The following PCLO variants were observed in gnomAD, a reference collection of about 807,000 sequenced individuals.
PCLO encodes piccolo presynaptic cytomatrix protein.
PCLO carries 82 observed loss-of-function variants against 427.5 expected under a neutral mutation model. That is an observed-to-expected ratio of 0.19 (90% CI 0.16 to 0.23). The LOEUF (loss-of-function observed/expected upper bound fraction) is 0.23, where lower values mean the gene tolerates loss of function less well. Ranked by LOEUF, PCLO falls within the 10% of genes least tolerant of loss-of-function variation. The pLI, the probability that PCLO is intolerant of heterozygous loss-of-function variation, is 1.00. For synonymous variants in PCLO, 2,357 were observed against 2,155.4 expected (o/e 1.09, Z -2.59); for missense variants, 6,239 against 6,115.9 (o/e 1.02, Z -0.67).
At chr7:82,835,927 AAAAG>A (rs1280567511) in intron 15 of PCLO, among the ~76,000 whole-genome samples, 15 of 152,156 alleles carry the variant, frequency 9.9e-5, no homozygotes, top group African/African-American at 3.4e-4. Context: ...GAGTGTGATT[AAAAG>A]AAAGACCCAG....
Position 82,758,317 on chromosome 7 carries a change from AC to A in PCLO, c.*257del. 3.1e-6 allele frequency: 1 copy of A among 322,514 alleles called. No individual in the cohort carries two copies. Among genetic ancestry groups the A allele is most frequent in the South Asian group, 8.8e-5 (1 of 11,396 alleles). 20.0% of individuals were successfully genotyped at this position (322,514 alleles called of 1,614,324 possible). On this transcript the variant is annotated 3_prime_UTR_variant, in exon 25 of 25. Transcript: ENST00000333891. Reference sequence around the variant, plus strand: ...GTCTTAAGTAATCAAAATTTGTTTCACAGTTTCTCTTCACAGCCATGGGAAA... The same window carrying A: ...GTCTTAAGTAATCAAAATTTGTTTCAAGTTTCTCTTCACAGCCATGGGAAA...
intron 3 of PCLO, among the ~76,000 whole-genome samples, chr7:83,054,832 A>C (rs1176017941): frequency 6.6e-6 from 1 of 152,078 alleles, no homozygotes; most frequent in Non-Finnish European, 1.5e-5. Flanking sequence ...TGAGTTGAGC[A>C]ACTTCACAGG....
At chr7:82,860,968 C>A (rs543025813) in intron 10 of PCLO, among the ~76,000 whole-genome samples, 7 of 151,266 alleles carry the variant, frequency 4.6e-5, no homozygotes, top group African/African-American at 1.7e-4. Flanking sequence ...ATGATATATA[C>A]GCAAAAAATA....
rs1009953591 is a variant in PCLO at position 83,126,606 on chromosome 7, T to A, written c.3300+7644A>T. On this transcript the variant is annotated intron_variant, in intron 3 of 24. Coordinates refer to ENST00000333891, the MANE Select transcript of PCLO (RefSeq NM_033026.6). ...AAAAAAATTCATATAAGAATGAATC[T>A]CATAAAGAAATTTAAAAATGAGTGA... Among the ~76,000 whole-genome samples the A allele has an allele frequency of 2.6e-5, 4 of 152,092 alleles. No homozygotes were observed. The South Asian group carries it at 8.3e-4, about 31-fold the overall frequency.
intron 3 of PCLO, among the ~76,000 whole-genome samples, chr7:83,107,051 A>T (rs900079793): frequency 1.3e-5 from 2 of 152,062 alleles, no homozygotes; most frequent in Non-Finnish European, 2.9e-5. Context: ...TCTCTTTCAG[A>T]TTCTTTTTTT....
chr7:82,846,421 A>G lies in PCLO; in HGVS notation c.13831+146T>C, dbSNP rs75391158. On this transcript the variant is annotated intron_variant, in intron 12 of 24. Coordinates refer to ENST00000333891, the MANE Select transcript of PCLO (RefSeq NM_033026.6). ...CCTAGATTTTGTTTATAATTATATA[A>G]ATACATAAAAAAATCTATCCATAAC... 4,061 of 607,066 alleles carry G rather than the reference A, an allele frequency of 6.7e-3. 53 individuals are homozygous for G. Among genetic ancestry groups the G allele is most frequent in the Non-Finnish European group, 5.9e-3 (2,077 of 350,688 alleles). The allele number at this position is 607,066 out of a possible 1,614,324, so 37.6% of individuals were successfully genotyped here.
At chr7:83,018,069 T>C (rs903606880) in intron 3 of PCLO, 1 of 152,162 alleles carries the variant, frequency 6.6e-6, no homozygotes, top group South Asian at 2.1e-4. Flanking sequence ...TTAAATTTAT[T>C]ATCCATTTGA....
intron 16 of PCLO, among the ~76,000 whole-genome samples, chr7:82,831,276 G>A (rs556680495): frequency 9.5e-4 from 145 of 152,094 alleles, no homozygotes; most frequent in Non-Finnish European, 1.9e-3. Context: ...TAGGTAATTT[G>A]ATTTCTTGCT....
Position 82,956,830 on chromosome 7 carries a change from C to T in PCLO, c.4123G>A (p.Gly1375Ser). ...YSSDGISSSL[G>S]EIPSLIPTDE... is the part of the protein sequence containing the mutation. Reference sequence around the variant, plus strand: ...GTTGGAATAAGACTTGGAATTTCACCAAGTGAGCTTGATATTCCATCGGAA... The same window carrying T: ...GTTGGAATAAGACTTGGAATTTCACTAAGTGAGCTTGATATTCCATCGGAA... The change falls in exon 5 of 25, where the codon GGT (glycine) becomes AGT (serine). Residue 1375 changes from glycine (G) to serine (S), a missense_variant. This residue lies in a region of PCLO where 4,677 missense variants were observed against 4,468.4 expected (regional missense o/e 1.05). Transcript: ENST00000333891. The T allele has an allele frequency of 6.2e-7, 1 of 1,613,732 alleles. No individual in the cohort carries two copies. The highest frequency in any genetic ancestry group is 8.5e-7 in the Non-Finnish European group (1 of 1,179,712).
At chr7:82,998,300 C>A (rs772186958) in intron 3 of PCLO, among the ~76,000 whole-genome samples, 37 of 151,620 alleles carry the variant, frequency 2.4e-4, no homozygotes, top group Non-Finnish European at 4.4e-4. Context: ...GGGGAAAAAC[C>A]CTCTCATGCT....
At chr7:82,957,000 T>A in intron 4 of PCLO, 65 bp from the exon 5 acceptor site, 1 of 1,428,792 alleles carries the variant, frequency 7.0e-7, no homozygotes, top group African/African-American at 1.4e-5. Flanking sequence ...GGCCTCTCCA[T>A]TACTACCAAA....
chr7:82,812,148 T>C (rs1035944210), intron 20 of PCLO, among the ~76,000 whole-genome samples: 1 of 151,496 alleles, frequency 6.6e-6, no homozygotes, highest in Non-Finnish European at 1.5e-5. Context: ...GTTTTCTCTC[T>C]CCATGCACAT....
intron 22 of PCLO, among the ~76,000 whole-genome samples, chr7:82,783,718 T>C (rs1233520486): frequency 6.6e-6 from 1 of 151,998 alleles, no homozygotes; most frequent in African/African-American, 2.4e-5. Context: ...TAATTAAAAA[T>C]AATTTAGGCA....
chr7:83,122,813 C>A (rs554639788), intron 3 of PCLO, among the ~76,000 whole-genome samples: 57 of 152,180 alleles, frequency 3.7e-4, no homozygotes, highest in African/African-American at 1.3e-3. Context: ...AATCAAAATA[C>A]AAAAACCAGT....
intron 3 of PCLO, among the ~76,000 whole-genome samples, chr7:83,119,621 C>G (rs562932711): frequency 1.3e-5 from 2 of 151,994 alleles, no homozygotes; most frequent in Admixed American, 1.3e-4. Flanking sequence ...TTCCTCGATG[C>G]CCAGACATCA....
chr7:83,093,780 AC>A (rs1421481323), intron 3 of PCLO, among the ~76,000 whole-genome samples: 8 of 140,398 alleles, frequency 5.7e-5, no homozygotes, highest in Non-Finnish European at 9.1e-5. Context: ...GGCATAAGCC[AC>A]CACGCCCGAC....
chr7:83,149,221 A>C (rs1792069045), intron 2 of PCLO, among the ~76,000 whole-genome samples: 1 of 152,118 alleles, frequency 6.6e-6, no homozygotes, highest in Non-Finnish European at 1.5e-5. Flanking sequence ...TGCAGTTCTG[A>C]AATTTATTCT....
At chr7:82,932,985 T>C (rs1417672565) in intron 6 of PCLO, among the ~76,000 whole-genome samples, 2 of 152,040 alleles carry the variant, frequency 1.3e-5, no homozygotes, top group African/African-American at 2.4e-5. Context: ...TTTTTGACAG[T>C]CCCTTTATTC....
intron 3 of PCLO, among the ~76,000 whole-genome samples, chr7:83,018,265 A>C (rs774549223): frequency 4.6e-5 from 7 of 152,048 alleles, no homozygotes; most frequent in Non-Finnish European, 7.4e-5. Context: ...TGTTAAGTGA[A>C]AAAGAGAAAA....
Sources: gnomAD v4.1 joint callset for allele counts (sites outside exome capture counted in the v4.1 genomes callset) on GRCh38, gnomAD v4.1.1 for gene constraint, gnomAD v4.1.1 regional missense constraint, MANE v1.5 for transcripts, NCBI Gene and HGNC (gene_info 2026-07-23, HGNC 2026-07-21) for gene names.